CEP350: variants seen among roughly 807,000 people sequenced by gnomAD.
The protein encoded by CEP350 is centrosome-associated protein 350.
A neutral mutation model predicts 331.8 loss-of-function variants in CEP350; 126 were observed. The observed-to-expected ratio is 0.38, with a 90% confidence interval of 0.33 to 0.44. The LOEUF is 0.44. Among genes scored for constraint, CEP350 ranks in the 20% least tolerant of loss-of-function variants. The pLI is 1.00. For missense variants in CEP350, 3,406 were observed against 3,634.6 expected, an observed-to-expected ratio of 0.94 and a Z score of 1.62; for synonymous variants, 1,200 against 1,259.5, an observed-to-expected ratio of 0.95 and a Z score of 1.00.
intron 30 of CEP350, among the ~76,000 whole-genome samples, chr1:180,082,065 T>C (rs1421675287): frequency 3.3e-5 from 5 of 152,228 alleles, no homozygotes; most frequent in African/African-American, 1.2e-4. Context: ...ATCTCTTACT[T>C]ACCGGTGACT....
intron 21 of CEP350, 92 bp from the exon 22 acceptor site, chr1:180,048,444 A>G (rs1657272423): frequency 1.3e-6 from 1 of 756,120 alleles, no homozygotes; most frequent in Non-Finnish European, 2.2e-6. Context: ...TTGACTATAA[A>G]GTACAGTCAT....
chr1:180,108,602 G>A (rs1257309849), intron 37 of CEP350, among the ~76,000 whole-genome samples: 1 of 152,154 alleles, frequency 6.6e-6, no homozygotes, highest in Admixed American at 6.5e-5. Flanking sequence ...AATTTTTTGT[G>A]CACACACCTA....
At chr1:179,968,240 A>C (rs1651165031) in intron 1 of CEP350, among the ~76,000 whole-genome samples, 1 of 151,782 alleles carries the variant, frequency 6.6e-6, no homozygotes, top group Admixed American at 6.6e-5. Context: ...CTGAGGCAAG[A>C]GAATCGCTTG....
At chr1:180,024,928 CTTT>C (rs764201704) in intron 14 of CEP350, among the ~76,000 whole-genome samples, 3 of 144,802 alleles carry the variant, frequency 2.1e-5, no homozygotes, top group Admixed American at 6.9e-5. Flanking sequence ...TATTTATTTA[CTTT>C]TTTTTTTTTT....
chr1:180,021,165 G>A (rs950999307), intron 12 of CEP350, among the ~76,000 whole-genome samples, 156 bp downstream of exon 12: 1 of 152,070 alleles, frequency 6.6e-6, no homozygotes, highest in Non-Finnish European at 1.5e-5. Flanking sequence ...TTTCCTGCAA[G>A]CCTTAAGTAA....
At chr1:180,005,335 G>A (rs943805346) in intron 7 of CEP350, among the ~76,000 whole-genome samples, 1 of 151,966 alleles carries the variant, frequency 6.6e-6, no homozygotes, top group African/African-American at 2.4e-5. Context: ...CTCTGGTAGT[G>A]TCTCCATGTC....
chr1:179,983,593 C>T (rs906132532), intron 1 of CEP350, among the ~76,000 whole-genome samples: 2 of 152,130 alleles, frequency 1.3e-5, no homozygotes, highest in Admixed American at 6.5e-5. Context: ...GGATTATTTA[C>T]CCTGATAAAT....
At chr1:180,011,883 A>T in intron 8 of CEP350, 46 bp from the exon 9 acceptor site, 1 of 1,323,342 alleles carries the variant, frequency 7.6e-7, no homozygotes, top group Non-Finnish European at 1.0e-6. Flanking sequence ...TACACTTCTT[A>T]CAATTAAAAT....
At chr1:180,084,474 C>G (rs1558148794) in intron 31 of CEP350, among the ~76,000 whole-genome samples, 1 of 152,150 alleles carries the variant, frequency 6.6e-6, no homozygotes, top group Non-Finnish European at 1.5e-5. Context: ...ACGCCATTCT[C>G]CTGCCTCAGC....
At chr1:180,023,926 A>G (rs1436571273) in intron 13 of CEP350, among the ~76,000 whole-genome samples, 2 of 152,180 alleles carry the variant, frequency 1.3e-5, no homozygotes, top group East Asian at 3.8e-4. Flanking sequence ...TATAAAAATT[A>G]TATGAGAAAA....
intron 37 of CEP350, among the ~76,000 whole-genome samples, chr1:180,102,649 TGCATCC>T (rs1660893747): frequency 6.6e-6 from 1 of 152,072 alleles, no homozygotes; most frequent in African/African-American, 2.4e-5. Flanking sequence ...GCATTGTTTC[TGCATCC>T]TTTTCCTTCA....
At chr1:179,999,071 C>T (rs565468426) in intron 6 of CEP350, among the ~76,000 whole-genome samples, 42 of 152,112 alleles carry the variant, frequency 2.8e-4, no homozygotes, top group African/African-American at 9.2e-4. Flanking sequence ...TTGTTGGTTC[C>T]AAGATAGTGA....
Position 180,014,160 on chromosome 1 carries a change from A to T in CEP350, c.1707A>T (p.Val569=), listed in dbSNP as rs1449677645. 5.0e-6 allele frequency: 8 copies of T among 1,608,542 alleles called. No homozygotes were observed. The African/African-American group carries it at 1.1e-4, about 21-fold the overall frequency. Residue 569 remains valine (V), a synonymous_variant, in exon 10 of 38, where the codon GTA becomes GTT. Transcript: ENST00000367607. ...ATGCTCCTAGGAGTCACAGCCCAGTAAAAAGAAAACCTGACAAAATAACAG... is the reference window on the plus strand; with the variant it reads ...ATGCTCCTAGGAGTCACAGCCCAGTTAAAAGAAAACCTGACAAAATAACAG... ...PVHAPRSHSP[V]KRKPDKITAN... is the part of the protein sequence containing the mutation.
Position 179,985,001 on chromosome 1 carries a change from T to A in CEP350, c.-13-1168T>A, listed in dbSNP as rs576632517. The stretch of plus-strand genomic sequence containing the variant: ...CCTTTCTTTTTTTATTGTGGTAACA[T>A]ATACATAACAAAATTTACCATTACA... On this transcript the variant is annotated intron_variant, in intron 1 of 37. Transcript: ENST00000367607. Among the ~76,000 whole-genome samples the A allele has an allele frequency of 7.9e-5, 12 of 152,314 alleles. No individual in the cohort carries two copies. The South Asian group carries it at 2.5e-3, about 32-fold the overall frequency.
chr1:180,026,769 C>T (rs576359587), intron 14 of CEP350, among the ~76,000 whole-genome samples: 17 of 152,242 alleles, frequency 1.1e-4, no homozygotes, highest in Non-Finnish European at 2.4e-4. Flanking sequence ...TCTGACTCAC[C>T]GTTCATCTAT....
intron 9 of CEP350, 57 bp downstream of exon 9, chr1:180,012,132 T>C (rs1571864886): frequency 2.1e-6 from 3 of 1,428,768 alleles, no homozygotes; most frequent in East Asian, 5.0e-5. Flanking sequence ...TATTAAGTAC[T>C]TAGAGAAGGA....
At chr1:180,028,950 A>G (rs1208488001) in intron 14 of CEP350, among the ~76,000 whole-genome samples, 2 of 152,188 alleles carry the variant, frequency 1.3e-5, no homozygotes, top group African/African-American at 4.8e-5. Context: ...CTCACCGGCA[A>G]TACCAGAAAA....
At chr1:179,994,603 G>A (rs1158700857) in intron 5 of CEP350, among the ~76,000 whole-genome samples, 1 of 151,564 alleles carries the variant, frequency 6.6e-6, no homozygotes, top group Non-Finnish European at 1.5e-5. Flanking sequence ...ACAGACAGGC[G>A]CCACCACTCC....
At chr1:180,098,525 A>G (rs990909072) in intron 36 of CEP350, among the ~76,000 whole-genome samples, 5 of 151,368 alleles carry the variant, frequency 3.3e-5, no homozygotes. Context: ...TATTTTTTGT[A>G]GAGATGAGGT....
Sources: allele counts gnomAD v4.1 joint callset (sites outside exome capture counted in the v4.1 genomes callset), GRCh38; gene constraint gnomAD v4.1.1; transcripts MANE v1.5; gene names NCBI Gene and HGNC (gene_info 2026-07-23, HGNC 2026-07-21).